ACAD9: variants seen among roughly 807,000 people sequenced by gnomAD.
The protein encoded by ACAD9 is acyl-CoA dehydrogenase family member 9.
A neutral mutation model predicts 70.2 loss-of-function variants in ACAD9; 53 were observed. That is an observed-to-expected ratio of 0.75 (90% CI 0.61 to 0.95). The LOEUF is 0.95. Ranked by LOEUF, ACAD9 falls within the 40% of genes least tolerant of loss-of-function variation. The pLI, the probability that ACAD9 is intolerant of heterozygous loss-of-function variation, is 0.00. For missense variants in ACAD9, 777 were observed against 802.8 expected (o/e 0.97, Z 0.39); for synonymous variants, 313 against 312.1 (o/e 1.00, Z -0.03).
intron 16 of ACAD9, 89 bp from the exon 17 acceptor site, chr3:128,910,652 C>T (rs922687896): frequency 5.0e-6 from 7 of 1,404,996 alleles, no homozygotes; most frequent in Non-Finnish European, 7.0e-6. Context: ...TGCCATGCTA[C>T]CCAGTTTGGC....
intron 7 of ACAD9, among the ~76,000 whole-genome samples, chr3:128,900,543 AATAGAG>A (rs1489398137): frequency 6.9e-6 from 1 of 144,456 alleles, no homozygotes; most frequent in Non-Finnish European, 1.5e-5. Context: ...TTTTTTTTTA[AATAGAG>A]ATGAGGTCTT....
intron 12 of ACAD9, among the ~76,000 whole-genome samples, chr3:128,907,480 C>G (rs1267162627): frequency 1.3e-5 from 2 of 152,170 alleles, no homozygotes; most frequent in African/African-American, 2.4e-5. Context: ...GGTGAGAGCT[C>G]CTGTCTGGAG....
chr3:128,894,741 C>T (rs1226737805), intron 3 of ACAD9, among the ~76,000 whole-genome samples: 1 of 151,824 alleles, frequency 6.6e-6, no homozygotes, highest in Non-Finnish European at 1.5e-5. Flanking sequence ...TGCTATGTTG[C>T]CCAGGCTAGT....
At position 128,889,496 on chromosome 3, in the gene ACAD9, C is replaced by T. The variant is rs146542729; in HGVS notation, c.245-4059C>T. ...CCATCAGTGCAACAGAGGAAGTGAA[C>T]GTACTCATTACCCGTCAAAGTTTCC... On this transcript the variant is annotated intron_variant, in intron 2 of 17. Transcript: ENST00000308982. Among the ~76,000 whole-genome samples the T allele has an allele frequency of 1.4e-4, 21 of 152,336 alleles. No individual in the cohort carries two copies. In the East Asian group the frequency reaches 3.7e-3, roughly 27 times the overall value.
intron 1 of ACAD9, among the ~76,000 whole-genome samples, chr3:128,883,006 C>T (rs1935136851): frequency 6.6e-6 from 1 of 152,132 alleles, no homozygotes; most frequent in Non-Finnish European, 1.5e-5. Flanking sequence ...GTCAGTGAGC[C>T]TCTGTGTTCA....
At chr3:128,908,422 G>C in intron 13 of ACAD9, 158 bp downstream of exon 13, 2 of 861,674 alleles carry the variant, frequency 2.3e-6, no homozygotes, top group South Asian at 1.4e-5. Flanking sequence ...GTAGTGGGGG[G>C]CTTGCTGCCC....
chr3:128,881,489 C>T (rs1935092798), intron 1 of ACAD9, among the ~76,000 whole-genome samples: 1 of 152,250 alleles, frequency 6.6e-6, no homozygotes, highest in African/African-American at 2.4e-5. Flanking sequence ...AAACCAACCT[C>T]TCATTAGACT....
chr3:128,887,644 A>AATAAATAAATATATATATATATATAT (rs1436892805), intron 2 of ACAD9, among the ~76,000 whole-genome samples: 3 of 133,100 alleles, frequency 2.3e-5, no homozygotes, highest in Admixed American at 7.4e-5. Flanking sequence ...AAAATAAATA[A>AATAAATAAATATATATATATATATAT]ATATATATAT....
intron 7 of ACAD9, among the ~76,000 whole-genome samples, chr3:128,900,288 A>G (rs979953266): frequency 2.0e-5 from 3 of 151,936 alleles, no homozygotes; most frequent in Non-Finnish European, 2.9e-5. Flanking sequence ...CCCAGGCTGG[A>G]GTGCAGTGGC....
At chr3:128,910,922 C>T in intron 17 of ACAD9, 109 bp downstream of exon 17, 1 of 1,333,756 alleles carries the variant, frequency 7.5e-7, no homozygotes, top group Non-Finnish European at 1.1e-6. Context: ...TAGCTACTCA[C>T]AGACCTCTGC....
At position 128,897,647 on chromosome 3, in the gene ACAD9, C is replaced by T; in HGVS notation, c.570C>T (p.Ala190=). ...LTEPASGSDA[A]SIRSRATLSE... is the part of the protein sequence containing the mutation. ...GCATCTGCAGTGGGAGCGATGCAGC[C>T]TCAATCCGGAGCAGAGCCACACTAA... The change falls in exon 6 of 18, where the codon GCC becomes GCT. Residue 190 remains alanine (A), a synonymous_variant. Transcript: ENST00000308982. The T allele has an allele frequency of 2.5e-6, 4 of 1,613,768 alleles. No homozygotes were observed. Among genetic ancestry groups the T allele is most frequent in the Non-Finnish European group, 3.4e-6 (4 of 1,179,806 alleles).
chr3:128,887,644 A>AATATATATATATATATATATATATAT (rs71153150), intron 2 of ACAD9, among the ~76,000 whole-genome samples: 20 of 133,052 alleles, frequency 1.5e-4, no homozygotes, highest in African/African-American at 5.2e-4. Context: ...AAAATAAATA[A>AATATATATATATATATATATATATAT]ATATATATAT....
At chr3:128,911,409 C>G (rs1303967442) in intron 17 of ACAD9, among the ~76,000 whole-genome samples, 1 of 152,078 alleles carries the variant, frequency 6.6e-6, no homozygotes, top group Non-Finnish European at 1.5e-5. Context: ...CGCAGGACCC[C>G]TGGCATCTGC....
At chr3:128,892,941 T>TTAC (rs1935463951) in intron 2 of ACAD9, among the ~76,000 whole-genome samples, 1 of 152,122 alleles carries the variant, frequency 6.6e-6, no homozygotes, top group South Asian at 2.1e-4. Flanking sequence ...ATAGAAAAAT[T>TTAC]TACATCCCAT....
chr3:128,911,382 A>AT (rs1337874567), intron 17 of ACAD9, among the ~76,000 whole-genome samples: 1 of 151,926 alleles, frequency 6.6e-6, no homozygotes, highest in Non-Finnish European at 1.5e-5. Flanking sequence ...TAGATTGAGC[A>AT]AGTGCAGAGC....
chr3:128,897,768 G>A, intron 6 of ACAD9, 58 bp downstream of exon 6: 1 of 1,459,078 alleles, frequency 6.9e-7, no homozygotes, highest in Non-Finnish European at 9.5e-7. Flanking sequence ...CACTGCCACT[G>A]AGTGAGCACT....
intron 7 of ACAD9, among the ~76,000 whole-genome samples, chr3:128,900,244 TTTG>T (rs763911970): frequency 6.6e-6 from 1 of 151,834 alleles, no homozygotes; most frequent in Non-Finnish European, 1.5e-5. Flanking sequence ...TTTTTTTTGG[TTTG>T]TTTTTTTTGA....
At chr3:128,896,383 C>T in intron 4 of ACAD9, 53 bp from the exon 5 acceptor site, 1 of 1,535,994 alleles carries the variant, frequency 6.5e-7, no homozygotes, top group Admixed American at 1.7e-5. Flanking sequence ...ACAAACACCT[C>T]ATGCTCTCCT....
chr3:128,897,231 C>T (rs1935593113), intron 5 of ACAD9, among the ~76,000 whole-genome samples: 1 of 152,224 alleles, frequency 6.6e-6, no homozygotes, highest in African/African-American at 2.4e-5. Flanking sequence ...CTGCGTCACC[C>T]AGGCTGGAGT....
Sources: gnomAD v4.1 joint callset for allele counts (sites outside exome capture counted in the v4.1 genomes callset) on GRCh38, gnomAD v4.1.1 for gene constraint, MANE v1.5 for transcripts, NCBI Gene and HGNC (gene_info 2026-07-23, HGNC 2026-07-21) for gene names.